RAPGEF6: variants seen among roughly 807,000 people sequenced by gnomAD.
RAPGEF6 encodes PDZ domain containing guanine nucleotide exchange factor (GEF) 2.
Under a neutral mutation model 171.4 loss-of-function variants are expected in RAPGEF6, and 56 were observed. That is an observed-to-expected ratio of 0.33 (90% CI 0.26 to 0.41). RAPGEF6 has a LOEUF of 0.41. Ranked by LOEUF, RAPGEF6 falls within the 10% of genes least tolerant of loss-of-function variation. The probability of loss-of-function intolerance (pLI) is 1.00; values close to 1 mark genes in which losing one functional copy is unlikely to be tolerated. For synonymous variants in RAPGEF6, 692 were observed against 650.1 expected, an observed-to-expected ratio of 1.06 and a Z score of -0.98; for missense variants, 1,674 against 1,921.4, an observed-to-expected ratio of 0.87 and a Z score of 2.41.
At chr5:131,547,925 A>T in intron 6 of RAPGEF6, 122 bp downstream of exon 6, 2 of 1,021,930 alleles carry the variant, frequency 2.0e-6, no homozygotes, top group Non-Finnish European at 2.9e-6. Flanking sequence ...TTATATATTT[A>T]CCTGCCCCAA....
chr5:131,581,780 C>A (rs1762977255), intron 4 of RAPGEF6, among the ~76,000 whole-genome samples: 1 of 152,142 alleles, frequency 6.6e-6, no homozygotes, highest in Non-Finnish European at 1.5e-5. Context: ...TGATAATGTA[C>A]TTGGTGATAT....
chr5:131,452,940 G>T, intron 21 of RAPGEF6, 114 bp downstream of exon 21: 1 of 1,319,816 alleles, frequency 7.6e-7, no homozygotes, highest in Non-Finnish European at 1.0e-6. Context: ...CACATATAAA[G>T]CACTTTGTAC....
At chr5:131,526,948 G>A (rs1475885501) in intron 6 of RAPGEF6, among the ~76,000 whole-genome samples, 1 of 152,116 alleles carries the variant, frequency 6.6e-6, no homozygotes, top group Non-Finnish European at 1.5e-5. Context: ...ATAGAGGGGG[G>A]TGGGGAAAGA....
rs528970026 is a variant in RAPGEF6 at position 131,442,033 on chromosome 5, T to C, written c.3610+316A>G. ...ACTTCATTTCCACAGTTTTTGTAGGTTGCATCTGTATTGGATATTTCATTA... is the reference window on the plus strand; with the variant it reads ...ACTTCATTTCCACAGTTTTTGTAGGCTGCATCTGTATTGGATATTTCATTA... On this transcript the variant is annotated intron_variant, in intron 23 of 27. Coordinates refer to ENST00000509018, the MANE Select transcript of RAPGEF6 (RefSeq NM_016340.6). Among the ~76,000 whole-genome samples the C allele has an allele frequency of 1.4e-3, 212 of 152,332 alleles. 1 individual carries two copies. The highest frequency in any genetic ancestry group is 4.9e-3 in the African/African-American group (203 of 41,576).
At chr5:131,559,082 G>A (rs942490777) in intron 5 of RAPGEF6, among the ~76,000 whole-genome samples, 7 of 151,910 alleles carry the variant, frequency 4.6e-5, no homozygotes, top group African/African-American at 9.7e-5. Context: ...TAATCCCAGC[G>A]CTTTGGGAGG....
rs1264616878 is a variant in RAPGEF6, at chr5:131,526,697, T to C, written c.496-5176A>G. Among the ~76,000 whole-genome samples, 6 of 152,186 alleles carry C rather than the reference T, an allele frequency of 3.9e-5. No individual in the cohort carries two copies. In the East Asian group the frequency reaches 1.2e-3, roughly 29 times the overall value. On this transcript the variant is annotated intron_variant, in intron 6 of 27. Coordinates refer to ENST00000509018, the MANE Select transcript of RAPGEF6 (RefSeq NM_016340.6). ...CTACCTGGACTCAACAGCTGATCTT[T>C]CATCAGCAAACTCAATTCATTTACC... is the stretch of plus-strand genomic sequence containing the variant.
intron 17 of RAPGEF6, among the ~76,000 whole-genome samples, chr5:131,467,574 T>A (rs955923388): frequency 6.6e-6 from 1 of 152,262 alleles, no homozygotes; most frequent in Non-Finnish European, 1.5e-5. Context: ...ATATTTGGCA[T>A]GCAGCAGACA....
At chr5:131,522,670 A>G (rs1167175895) in intron 6 of RAPGEF6, among the ~76,000 whole-genome samples, 1 of 152,234 alleles carries the variant, frequency 6.6e-6, no homozygotes, top group African/African-American at 2.4e-5. Flanking sequence ...ATACATACAC[A>G]CACACACAGT....
chr5:131,551,373 C>T (rs879558696), intron 5 of RAPGEF6, among the ~76,000 whole-genome samples: 7 of 151,726 alleles, frequency 4.6e-5, no homozygotes, highest in Admixed American at 6.6e-5. Context: ...ATTAGCCAGG[C>T]GCGGTGGCAG....
chr5:131,551,762 GCTTT>G (rs749844753), intron 5 of RAPGEF6, among the ~76,000 whole-genome samples: 10 of 152,068 alleles, frequency 6.6e-5, no homozygotes, highest in South Asian at 4.1e-4. Flanking sequence ...TTAAGAAAAG[GCTTT>G]CTAAGTTTCA....
chr5:131,596,940 A>G (rs1316568320), intron 3 of RAPGEF6, among the ~76,000 whole-genome samples: 1 of 152,216 alleles, frequency 6.6e-6, no homozygotes, highest in African/African-American at 2.4e-5. Context: ...AACAACTGAC[A>G]AAATGAATAG....
intron 6 of RAPGEF6, among the ~76,000 whole-genome samples, chr5:131,541,235 G>C (rs1760119388): frequency 6.6e-6 from 1 of 152,208 alleles, no homozygotes; most frequent in East Asian, 1.9e-4. Flanking sequence ...AAGAGGTCAT[G>C]GATGAATGGA....
intron 22 of RAPGEF6, among the ~76,000 whole-genome samples, chr5:131,442,830 C>A (rs181850312): frequency 4.1e-4 from 62 of 152,062 alleles, no homozygotes; most frequent in Non-Finnish European, 6.3e-4. Context: ...CTCTGTCGCC[C>A]GGGCTGAAGT....
intron 21 of RAPGEF6, among the ~76,000 whole-genome samples, chr5:131,449,029 G>T (rs1440134503): frequency 6.6e-6 from 1 of 152,078 alleles, no homozygotes; most frequent in Non-Finnish European, 1.5e-5. Flanking sequence ...GGCAAGACTC[G>T]AATAAAGAAG....
chr5:131,436,411 TGGTCAATCAC>T, intron 24 of RAPGEF6: 8 of 1,509,014 alleles, frequency 5.3e-6, no homozygotes, highest in Non-Finnish European at 7.1e-6. Flanking sequence ...AACCCTGACA[TGGTCAATCAC>T]AATTAGCCTT....
At chr5:131,462,785 T>G (rs1214887917) in intron 18 of RAPGEF6, among the ~76,000 whole-genome samples, 1 of 152,234 alleles carries the variant, frequency 6.6e-6, no homozygotes, top group African/African-American at 2.4e-5. Context: ...ATGTATCACC[T>G]GCTTTTACTT....
chr5:131,442,550 AG>A lies in RAPGEF6; in HGVS notation c.3422-14del. On this transcript the variant is annotated splice_polypyrimidine_tract_variant and intron_variant, in intron 22 of 27. Coordinates refer to ENST00000509018, the MANE Select transcript of RAPGEF6 (RefSeq NM_016340.6). ...AAATTCTTGGTCACTAACAGGAGAG[AG>A]TAAGAAATAAGTAACTGCACGTTTT... 1.2e-6 allele frequency: 2 copies of A among 1,612,518 alleles called. No homozygotes were observed. The highest frequency in any genetic ancestry group is 4.5e-5 in the East Asian group (2 of 44,864).
In RAPGEF6 at chr5:131,489,646, T is replaced by G; in HGVS notation, c.1740A>C (p.Glu580Asp). The change falls in exon 15 of 28, where the codon GAA (glutamate) becomes GAC (aspartate). Residue 580 changes from glutamate (E) to aspartate (D), a missense_variant. By Grantham distance (45) the Glu-to-Asp change is conservative. Around this residue, in one of 3 missense-constraint regions of RAPGEF6, gnomAD observed 1,116 missense variants for 1,321.5 expected, o/e 0.84. Coordinates refer to ENST00000509018, the MANE Select transcript of RAPGEF6 (RefSeq NM_016340.6). ...SGLKRGDQIM[E>D]VNGQNFENIT... is the part of the protein sequence containing the mutation. ...TATTCTCAAAGTTTTGTCCATTTAC[T>G]TCCATAATCTTAAAAGTATTTAAAA... The G allele has an allele frequency of 1.3e-6, 2 of 1,522,974 alleles. No homozygotes were observed. Among genetic ancestry groups the G allele is most frequent in the Non-Finnish European group, 1.8e-6 (2 of 1,109,778 alleles). 94.3% of individuals were successfully genotyped at this position (1,522,974 alleles called of 1,614,324 possible). A position where few individuals can be genotyped will look rare whatever the true frequency, so the allele number is the denominator to read the frequency against.
At chr5:131,465,098 CCTG>C (rs1187680220) in intron 17 of RAPGEF6, among the ~76,000 whole-genome samples, 1 of 151,220 alleles carries the variant, frequency 6.6e-6, no homozygotes, top group African/African-American at 2.4e-5. Context: ...ATGTTTTTTT[CCTG>C]CTGTATTGTA....
Sources: gnomAD v4.1 joint callset for allele counts (sites outside exome capture counted in the v4.1 genomes callset) on GRCh38, gnomAD v4.1.1 for gene constraint, gnomAD v4.1.1 regional missense constraint, MANE v1.5 for transcripts, NCBI Gene and HGNC (gene_info 2026-07-23, HGNC 2026-07-21) for gene names.